IL36B: variants seen among roughly 807,000 people sequenced by gnomAD.
IL36B encodes interleukin-36 beta.
In IL36B, 23 loss-of-function variants were observed where a neutral mutation model predicts 19.3. That is an observed-to-expected ratio of 1.19 (90% CI 0.86 to 1.69). The LOEUF is 1.69. Among genes scored for constraint, IL36B ranks in the 40% most tolerant of loss-of-function variants. The pLI, the probability that IL36B is intolerant of heterozygous loss-of-function variation, is 0.00. For synonymous variants in IL36B, 59 were observed against 59.7 expected (o/e 0.99, Z 0.05); for missense variants, 217 against 200.5 (o/e 1.08, Z -0.50).
intron 1 of IL36B, among the ~76,000 whole-genome samples, chr2:113,052,301 C>T (rs1685462474): frequency 6.6e-6 from 1 of 152,150 alleles, no homozygotes; most frequent in African/African-American, 2.4e-5. Flanking sequence ...CAGACTCCTT[C>T]ATTCCCCCAG....
intron 1 of IL36B, among the ~76,000 whole-genome samples, chr2:113,036,627 A>G (rs1483936662): frequency 6.6e-6 from 1 of 152,216 alleles, no homozygotes; most frequent in Non-Finnish European, 1.5e-5. Flanking sequence ...GCCCCCAGGA[A>G]GAACACATTT....
chr2:113,027,848 C>T (rs1684991986), intron 4 of IL36B: 6 of 1,600,452 alleles, frequency 3.7e-6, no homozygotes, highest in Non-Finnish European at 4.3e-6. Context: ...GTTAAGATGA[C>T]TCTGACAGCT....
chr2:113,036,805 T>C (rs1382766356), intron 1 of IL36B, among the ~76,000 whole-genome samples: 2 of 152,214 alleles, frequency 1.3e-5, no homozygotes, highest in East Asian at 1.9e-4. Flanking sequence ...AGGTGGATGA[T>C]GTCGGAGGCC....
rs145831161 is a variant in IL36B at position 113,031,062 on chromosome 2, C to T, written c.107G>A (p.Arg36His). 1.8e-5 allele frequency: 29 copies of T among 1,610,222 alleles called. No individual in the cohort carries two copies. The highest frequency in any genetic ancestry group is 1.2e-4 in the South Asian group (11 of 91,002). ...TTGTCACTCACCAGGCTTAATGCTG[C>T]GGCTAAGAGGAGCTGCTATTAAAGA... Residue 36 changes from arginine to histidine, a missense_variant, in exon 3 of 6, where the codon CGC becomes CAC. Physicochemically the swap from Arg to His is conservative, Grantham distance 29. Transcript: ENST00000259213.
chr2:113,036,235 G>T (rs986596110), intron 1 of IL36B, among the ~76,000 whole-genome samples: 104 of 151,906 alleles, frequency 6.8e-4, no homozygotes, highest in Non-Finnish European at 1.0e-4. Context: ...GTGAGCCAGC[G>T]TACCAGGCCT....
At chr2:113,036,704 A>G (rs764066984) in intron 1 of IL36B, among the ~76,000 whole-genome samples, 3 of 152,366 alleles carry the variant, frequency 2.0e-5, no homozygotes, top group Non-Finnish European at 4.4e-5. Flanking sequence ...CCTGTGAGGC[A>G]TAGAATAAAT....
chr2:113,027,471 TC>T, intron 4 of IL36B: 1 of 1,022,888 alleles, frequency 9.8e-7, no homozygotes, highest in African/African-American at 1.7e-5. Context: ...AATTTCACAT[TC>T]ATCTCATTCT....
At chr2:113,040,547 G>T (rs987192802) in intron 1 of IL36B, among the ~76,000 whole-genome samples, 2 of 152,102 alleles carry the variant, frequency 1.3e-5, no homozygotes, top group East Asian at 1.9e-4. Context: ...AAGGCTGGAG[G>T]ATACACTATT....
At chr2:113,032,123 G>GTGTGTGTGTC (rs1358193349) in intron 1 of IL36B, among the ~76,000 whole-genome samples, 6 of 132,766 alleles carry the variant, frequency 4.5e-5, no homozygotes, top group Non-Finnish European at 9.4e-5. Context: ...GACAGAGTGC[G>GTGTGTGTGTC]TGTGTGTGTC....
At chr2:113,039,684 T>G (rs1446508) in intron 1 of IL36B, among the ~76,000 whole-genome samples, 118,629 of 152,224 alleles carry the variant, frequency 0.78, 47,041 homozygotes, top group East Asian at 0.94. Context: ...AAGAAAAAAT[T>G]AAAGCATGGT....
chr2:113,027,331 A>C (rs536208437), intron 4 of IL36B, 102 bp downstream of exon 5: 47 of 343,012 alleles, frequency 1.4e-4, no homozygotes, highest in Non-Finnish European at 1.7e-4. Flanking sequence ...TATTGAAAAA[A>C]ATCAGTGTTT....
intron 1 of IL36B, among the ~76,000 whole-genome samples, chr2:113,043,493 C>T (rs1685296017): frequency 6.6e-6 from 1 of 152,064 alleles, no homozygotes; most frequent in Non-Finnish European, 1.5e-5. Context: ...TTTTTGTTGT[C>T]ATTATATGAA....
At chr2:113,026,632 T>A (rs1455595886) in intron 4 of IL36B, among the ~76,000 whole-genome samples, 2 of 152,208 alleles carry the variant, frequency 1.3e-5, no homozygotes, top group East Asian at 3.8e-4. Context: ...TTACAAACTT[T>A]AATTAAAATA....
chr2:113,031,034 TG>T lies in IL36B; in HGVS notation c.121+13del. On this transcript the variant is annotated intron_variant, in intron 3 of 5. Coordinates refer to ENST00000259213, the MANE Select transcript of IL36B (RefSeq NM_014438.5). Reference sequence around the variant, plus strand: ...TCACCTCAAGAAGCAACAGTGGGTTTGATTGTCACTCACCAGGCTTAATGCT... The same window carrying T: ...TCACCTCAAGAAGCAACAGTGGGTTTATTGTCACTCACCAGGCTTAATGCT... 2 of 1,573,922 alleles carry T rather than the reference TG, an allele frequency of 1.3e-6. No homozygotes were observed. The highest frequency in any genetic ancestry group is 2.2e-5 in the South Asian group (2 of 90,264).
intron 1 of IL36B, among the ~76,000 whole-genome samples, chr2:113,046,114 T>G (rs1346096883): frequency 1.3e-5 from 2 of 152,208 alleles, no homozygotes; most frequent in African/African-American, 4.8e-5. Context: ...TATTAACATT[T>G]TACATTTGTT....
At chr2:113,033,705 T>C (rs1174194976) in intron 1 of IL36B, among the ~76,000 whole-genome samples, 1 of 152,166 alleles carries the variant, frequency 6.6e-6, no homozygotes, top group African/African-American at 2.4e-5. Context: ...CTCCCCTGGG[T>C]CATAGTCTCC....
In IL36B at chr2:113,022,504, T is replaced by C; in HGVS notation, c.*170A>G. The C allele has an allele frequency of 1.8e-6, 1 of 557,480 alleles. No homozygotes were observed. Among genetic ancestry groups the C allele is most frequent in the Non-Finnish European group, 3.2e-6 (1 of 312,852 alleles). 34.5% of individuals were successfully genotyped at this position (557,480 alleles called of 1,614,324 possible). On this transcript the variant is annotated 3_prime_UTR_variant, in exon 6 of 6. Coordinates refer to ENST00000259213, the MANE Select transcript of IL36B (RefSeq NM_014438.5). Reference sequence around the variant, plus strand: ...AAAAAGACTCCGACCTTCTCTAGCTTTACAGGTAAGATTTACCAACTCTTT... The same window carrying C: ...AAAAAGACTCCGACCTTCTCTAGCTCTACAGGTAAGATTTACCAACTCTTT...
intron 4 of IL36B, chr2:113,027,689 T>C (rs1225562239): frequency 7.2e-7 from 1 of 1,393,872 alleles, no homozygotes; most frequent in Non-Finnish European, 9.3e-7. Flanking sequence ...GGAAAGTGAT[T>C]TTTAGGTTTC....
intron 5 of IL36B, among the ~76,000 whole-genome samples, chr2:113,022,964 AAAATGAAATTAG>A (rs1209438618): frequency 1.3e-5 from 2 of 152,262 alleles, no homozygotes; most frequent in African/African-American, 4.8e-5. Context: ...GTGACTGGAG[AAAATGAAATTAG>A]AGTTGGTGGG....
Sources: allele counts gnomAD v4.1 joint callset (sites outside exome capture counted in the v4.1 genomes callset), GRCh38; gene constraint gnomAD v4.1.1; transcripts MANE v1.5; gene names NCBI Gene and HGNC (gene_info 2026-07-23, HGNC 2026-07-21).